SIPA1L3: variants seen among roughly 807,000 people sequenced by gnomAD.
SIPA1L3 encodes the protein signal-induced proliferation-associated 1-like protein 3.
In SIPA1L3, 59 loss-of-function variants were observed where a neutral mutation model predicts 150.1. That is an observed-to-expected ratio of 0.39 (90% CI 0.32 to 0.49). The LOEUF is 0.49. Ranked by LOEUF, SIPA1L3 falls within the 20% of genes least tolerant of loss-of-function variation. The pLI is 0.86. For missense variants in SIPA1L3, 2,211 were observed against 2,489.5 expected, an observed-to-expected ratio of 0.89 and a Z score of 2.38; for synonymous variants, 1,070 against 1,077.6, an observed-to-expected ratio of 0.99 and a Z score of 0.14.
intron 2 of SIPA1L3, among the ~76,000 whole-genome samples, chr19:38,070,205 TATC>T (rs1969685834): frequency 3.3e-5 from 5 of 151,642 alleles, no homozygotes; most frequent in Non-Finnish European, 1.5e-5. Flanking sequence ...TCTATCTATC[TATC>T]TATCTATCTA....
intron 2 of SIPA1L3, among the ~76,000 whole-genome samples, chr19:38,053,089 G>A (rs1038400537): frequency 6.6e-6 from 1 of 152,262 alleles, no homozygotes; most frequent in Admixed American, 6.5e-5. Flanking sequence ...TCAGGCAAGT[G>A]TGGGTGGGAG....
At chr19:38,034,144 G>C (rs1968723639) in intron 2 of SIPA1L3, among the ~76,000 whole-genome samples, 1 of 152,142 alleles carries the variant, frequency 6.6e-6, no homozygotes. Flanking sequence ...TCCAAGGAAG[G>C]TGGCAAATGT....
intron 15 of SIPA1L3, among the ~76,000 whole-genome samples, chr19:38,181,728 C>A (rs957080367): frequency 6.6e-6 from 1 of 151,844 alleles, no homozygotes; most frequent in African/African-American, 2.4e-5. Flanking sequence ...CATCTGTAAT[C>A]CCAGCTACTG....
intron 1 of SIPA1L3, among the ~76,000 whole-genome samples, chr19:37,956,482 G>GTTT (rs34804753): frequency 0.014 from 1,790 of 126,512 alleles, 102 homozygotes; most frequent in Admixed American, 0.033. Flanking sequence ...AAGTATAAAA[G>GTTT]TTTTGTTTTT....
chr19:38,085,872 T>G (rs1451660049), intron 3 of SIPA1L3, among the ~76,000 whole-genome samples: 3 of 152,120 alleles, frequency 2.0e-5, no homozygotes, highest in Non-Finnish European at 4.4e-5. Flanking sequence ...GGCGGGTGCC[T>G]GTAATCCCAG....
Position 38,101,237 on chromosome 19 carries a change from G to T in SIPA1L3, c.2029+11G>T, listed in dbSNP as rs768865630. 2.6e-6 allele frequency: 4 copies of T among 1,519,680 alleles called. No individual in the cohort carries two copies. Among genetic ancestry groups the T allele is most frequent in the Non-Finnish European group, 2.7e-6 (3 of 1,127,596 alleles). 94.1% of individuals were successfully genotyped at this position (1,519,680 alleles called of 1,614,324 possible). A position where few individuals can be genotyped will look rare whatever the true frequency, so the allele number is the denominator to read the frequency against. On this transcript the variant is annotated intron_variant, in intron 6 of 21. Transcript: ENST00000222345. ...AGCTGGACGTCAAGAGTAAGTAGGG[G>T]GCCGGTTAGATCACAGTGAGCCACC...
At chr19:38,167,415 T>C (rs888443831) in intron 15 of SIPA1L3, among the ~76,000 whole-genome samples, 1 of 152,064 alleles carries the variant, frequency 6.6e-6, no homozygotes, top group African/African-American at 2.4e-5. Context: ...TGAGTGATTG[T>C]AGTGTCAGCA....
chr19:38,152,262 G>T (rs1971841039), intron 12 of SIPA1L3, among the ~76,000 whole-genome samples: 1 of 152,168 alleles, frequency 6.6e-6, no homozygotes, highest in African/African-American at 2.4e-5. Flanking sequence ...ACATGACGGG[G>T]CATCCTTCAG....
chr19:37,957,494 T>C (rs76131939), intron 1 of SIPA1L3, among the ~76,000 whole-genome samples: 5,003 of 152,318 alleles, frequency 0.033, 106 homozygotes, highest in Middle Eastern at 0.048. Flanking sequence ...TCTACACTTA[T>C]GTTAAATTTA....
At chr19:38,056,531 C>T (rs937513292) in intron 2 of SIPA1L3, among the ~76,000 whole-genome samples, 1 of 152,194 alleles carries the variant, frequency 6.6e-6, no homozygotes, top group Non-Finnish European at 1.5e-5. Flanking sequence ...GTCAGTTTAC[C>T]CCTTCCTTCT....
rs566646143 is a variant in SIPA1L3, at chr19:38,055,603, C to T, written c.-310-25653C>T. Among the ~76,000 whole-genome samples the T allele has an allele frequency of 2.0e-5, 3 of 152,312 alleles. No individual in the cohort carries two copies. The East Asian group carries it at 5.8e-4, about 29-fold the overall frequency. On this transcript the variant is annotated intron_variant, in intron 2 of 21. Coordinates refer to ENST00000222345, the MANE Select transcript of SIPA1L3 (RefSeq NM_015073.3). Reference sequence around the variant, plus strand: ...CTTTTTGGATTAGTATCCTGCCACCCCAACAAATGTGGACCTCTCTCAAGG... The same window carrying T: ...CTTTTTGGATTAGTATCCTGCCACCTCAACAAATGTGGACCTCTCTCAAGG...
intron 9 of SIPA1L3, among the ~76,000 whole-genome samples, chr19:38,123,411 G>A (rs560418661): frequency 1.1e-3 from 159 of 149,530 alleles, no homozygotes; most frequent in Non-Finnish European, 1.9e-3. Flanking sequence ...AGGACCCTGC[G>A]GCCTTCCGCA....
chr19:38,085,944 C>T (rs1970120102), intron 3 of SIPA1L3, among the ~76,000 whole-genome samples: 3 of 152,016 alleles, frequency 2.0e-5, no homozygotes, highest in South Asian at 2.1e-4. Flanking sequence ...TGCAGTGAGC[C>T]GAGATCGCAC....
At chr19:37,976,285 G>A (rs1308304018) in intron 1 of SIPA1L3, among the ~76,000 whole-genome samples, 3 of 151,988 alleles carry the variant, frequency 2.0e-5, no homozygotes, top group Non-Finnish European at 4.4e-5. Context: ...GTCTCTTATT[G>A]GGTTTCTCTC....
chr19:38,079,328 G>A lies in SIPA1L3; in HGVS notation c.-310-1928G>A, dbSNP rs115609404. 8.2e-3 allele frequency among the ~76,000 whole-genome samples: 1,248 copies of A among 152,256 alleles called. 16 individuals are homozygous for A. Among genetic ancestry groups the A allele is most frequent in the African/African-American group, 0.027 (1,128 of 41,538 alleles). On this transcript the variant is annotated intron_variant, in intron 2 of 21. Coordinates refer to ENST00000222345, the MANE Select transcript of SIPA1L3 (RefSeq NM_015073.3). ...AGCCTGGGCAACAGAGCGAGACTCC[G>A]TCTCAACTGTTCTAGGCACTGGGAA...
intron 2 of SIPA1L3, among the ~76,000 whole-genome samples, chr19:38,033,515 C>T (rs138738828): frequency 2.3e-3 from 344 of 152,208 alleles, no homozygotes; most frequent in African/African-American, 8.0e-3. Flanking sequence ...GAGTGAGACT[C>T]CATCTCTACA....
rs1246962953 is a variant in SIPA1L3 at position 38,082,162 on chromosome 19, C to T, written c.597C>T (p.Phe199=). 2 of 1,605,380 alleles carry T rather than the reference C, an allele frequency of 1.2e-6. No homozygotes were observed. The highest frequency in any genetic ancestry group is 2.2e-5 in the East Asian group (1 of 44,876). The stretch of plus-strand genomic sequence containing the variant: ...GGCACACGGGGGCGCTGCCCCTCTT[C>T]CGCGAGTACGGGAGCACCTCGTCCA... ...GARHTGALPL[F]REYGSTSSID... The change falls in exon 3 of 22, where the codon TTC becomes TTT. Residue 199 remains phenylalanine, a synonymous_variant. Coordinates refer to ENST00000222345, the MANE Select transcript of SIPA1L3 (RefSeq NM_015073.3).
chr19:37,977,345 A>G lies in SIPA1L3; in HGVS notation c.-378-51744A>G, dbSNP rs1967100241. ...ATGCCCGGCTAATTTTTGTGGTTTT[A>G]GCAGAGACAGGGTTTTGCCATGTTA... On this transcript the variant is annotated intron_variant, in intron 1 of 21. Coordinates refer to ENST00000222345, the MANE Select transcript of SIPA1L3 (RefSeq NM_015073.3). Among the ~76,000 whole-genome samples, 3 of 148,806 alleles carry G rather than the reference A, an allele frequency of 2.0e-5. No homozygotes were observed. In the South Asian group the frequency reaches 6.5e-4, roughly 32 times the overall value.
At chr19:37,913,957 G>A (rs1001702126) in intron 1 of SIPA1L3, among the ~76,000 whole-genome samples, 4 of 150,766 alleles carry the variant, frequency 2.7e-5, no homozygotes, top group Admixed American at 2.6e-4. Flanking sequence ...AGGAGGAGGC[G>A]GAGTTTACAG....
Sources: allele counts gnomAD v4.1 joint callset (sites outside exome capture counted in the v4.1 genomes callset), GRCh38; gene constraint gnomAD v4.1.1; transcripts MANE v1.5; gene names NCBI Gene and HGNC (gene_info 2026-07-23, HGNC 2026-07-21).